The following PPP6R3 variants were observed in gnomAD, a reference collection of about 807,000 sequenced individuals.
PPP6R3 encodes protein phosphatase 6 regulatory subunit 3, also known as serine/threonine-protein phosphatase 6 regulatory subunit 3.
Under a neutral mutation model 110.7 loss-of-function variants are expected in PPP6R3, and 38 were observed. The observed-to-expected ratio is 0.34, with a 90% CI of 0.26 to 0.45. PPP6R3 has a LOEUF of 0.45. Among genes scored for constraint, PPP6R3 ranks in the 20% least tolerant of loss-of-function variants. The probability of loss-of-function intolerance (pLI) is 1.00; values close to 1 mark genes in which losing one functional copy is unlikely to be tolerated. For missense variants in PPP6R3, 870 were observed against 1,062.4 expected (o/e 0.82, Z 2.52); for synonymous variants, 369 against 373.5 (o/e 0.99, Z 0.14).
rs574109356 is a variant in PPP6R3 at position 68,580,933 on chromosome 11, G to A, written c.1546-2110G>A. 6.6e-5 allele frequency among the ~76,000 whole-genome samples: 10 copies of A among 151,936 alleles called. No homozygotes were observed. The South Asian group carries it at 1.7e-3, about 25-fold the overall frequency. ...ACTACAGGCACCCGCCACCGTGCCC[G>A]GCTAATTTTTTGTATTTTTAGTAGA... On this transcript the variant is annotated intron_variant, in intron 14 of 23. Coordinates refer to ENST00000393800, the MANE Select transcript of PPP6R3 (RefSeq NM_001164161.2).
At chr11:68,594,206 A>G (rs1230739479) in intron 18 of PPP6R3, among the ~76,000 whole-genome samples, 1 of 152,096 alleles carries the variant, frequency 6.6e-6, no homozygotes, top group Non-Finnish European at 1.5e-5. Context: ...AAATGTTTAC[A>G]CAACCTAATA....
chr11:68,569,289 G>A lies in PPP6R3; in HGVS notation c.1129-459G>A, dbSNP rs989809811. On this transcript the variant is annotated intron_variant, in intron 10 of 23. Transcript: ENST00000393800. ...TACTTCACATCCCCATTTAGTCCTC[G>A]TTATTTATGAGGGATACCTTCCAAG... Among the ~76,000 whole-genome samples the A allele has an allele frequency of 1.2e-3, 178 of 152,050 alleles. 6 individuals carry two copies. Among genetic ancestry groups the A allele is most frequent in the Admixed American group, 0.011 (175 of 15,268 alleles).
chr11:68,496,730 T>A (rs1258340876), intron 1 of PPP6R3, among the ~76,000 whole-genome samples: 1 of 152,104 alleles, frequency 6.6e-6, no homozygotes. Context: ...CTCGGCTTCC[T>A]AAAGTACTGG....
At chr11:68,590,871 C>T (rs569062850) in intron 17 of PPP6R3, among the ~76,000 whole-genome samples, 157 bp downstream of exon 17, 2 of 152,192 alleles carry the variant, frequency 1.3e-5, no homozygotes, top group South Asian at 2.1e-4. Context: ...CTACCTGGCA[C>T]CCGTGGGCAT....
At chr11:68,495,711 A>C (rs2099011123) in intron 1 of PPP6R3, among the ~76,000 whole-genome samples, 1 of 152,270 alleles carries the variant, frequency 6.6e-6, no homozygotes, top group East Asian at 1.9e-4. Context: ...GGGGAATATT[A>C]CCTTTTATTT....
intron 1 of PPP6R3, among the ~76,000 whole-genome samples, chr11:68,483,323 C>T (rs976819415): frequency 6.6e-6 from 1 of 152,100 alleles, no homozygotes. Flanking sequence ...TGCATTTTCA[C>T]CATTTTTAAA....
At chr11:68,562,849 A>G (rs2099430150) in intron 8 of PPP6R3, among the ~76,000 whole-genome samples, 1 of 152,240 alleles carries the variant, frequency 6.6e-6, no homozygotes, top group African/African-American at 2.4e-5. Flanking sequence ...CAGATTGTTT[A>G]GATACATTGC....
intron 1 of PPP6R3, among the ~76,000 whole-genome samples, chr11:68,493,638 A>AT (rs1565397169): frequency 1.4e-4 from 17 of 125,660 alleles, no homozygotes; most frequent in South Asian, 3.0e-4. Flanking sequence ...TATATATATA[A>AT]AATATATATA....
At chr11:68,565,433 G>A (rs2099458918) in intron 9 of PPP6R3, among the ~76,000 whole-genome samples, 1 of 152,006 alleles carries the variant, frequency 6.6e-6, no homozygotes, top group Non-Finnish European at 1.5e-5. Context: ...CTTGCCCTTA[G>A]GGAAAGTGCC....
chr11:68,563,119 AG>A (rs1390345807), intron 8 of PPP6R3, among the ~76,000 whole-genome samples: 2 of 149,090 alleles, frequency 1.3e-5, no homozygotes, highest in Non-Finnish European at 3.0e-5. Context: ...AAAAAAAAAA[AG>A]CCAGGCATGG....
intron 20 of PPP6R3, 56 bp from the exon 21 acceptor site, chr11:68,601,807 G>A (rs2099632650): frequency 7.2e-7 from 1 of 1,386,056 alleles, no homozygotes; most frequent in Admixed American, 1.8e-5. Context: ...GTGAATCTTG[G>A]GGTAACTGAG....
intron 1 of PPP6R3, among the ~76,000 whole-genome samples, chr11:68,501,607 G>A (rs1442721939): frequency 2.6e-5 from 4 of 152,214 alleles, no homozygotes; most frequent in Admixed American, 6.5e-5. Flanking sequence ...GATTACAGGC[G>A]TGAGCCACTG....
At chr11:68,465,457 A>G (rs533957029) in intron 1 of PPP6R3, among the ~76,000 whole-genome samples, 5 of 152,308 alleles carry the variant, frequency 3.3e-5, no homozygotes, top group African/African-American at 1.2e-4. Context: ...AGTTTATGGA[A>G]TGGAAGAATA....
At position 68,552,359 on chromosome 11, in the gene PPP6R3, T is replaced by TTC. The variant is rs1318484915; in HGVS notation, c.618+1175_618+1176dup. ...CTCCTCTCTCTCACAGAAATACATT[T>TTC]TCTGTGATAGTAGAGCGAAACCCTT... On this transcript the variant is annotated intron_variant, in intron 6 of 23. Transcript: ENST00000393800. Among the ~76,000 whole-genome samples the TTC allele has an allele frequency of 5.9e-5, 9 of 152,308 alleles. No homozygotes were observed. The East Asian group carries it at 1.7e-3, about 29-fold the overall frequency.
chr11:68,554,314 A>C, intron 7 of PPP6R3, 57 bp downstream of exon 7: 3 of 1,356,392 alleles, frequency 2.2e-6, no homozygotes, highest in Non-Finnish European at 2.1e-6. Context: ...TCCATGTGTT[A>C]CCATTGTGAG....
intron 18 of PPP6R3, among the ~76,000 whole-genome samples, chr11:68,594,320 A>AGAGAGAGAGAG (rs2099605742): frequency 9.1e-6 from 1 of 110,096 alleles, no homozygotes; most frequent in African/African-American, 3.6e-5. Context: ...GAGAGAGAGA[A>AGAGAGAGAGAG]AAAGAGAGAG....
intron 22 of PPP6R3, among the ~76,000 whole-genome samples, chr11:68,607,930 C>T (rs1941187296): frequency 6.6e-6 from 1 of 151,948 alleles, no homozygotes; most frequent in Non-Finnish European, 1.5e-5. Context: ...TGTGCCACCA[C>T]TCCTGGCTTA....
chr11:68,556,874 T>C (rs1420113519), intron 7 of PPP6R3, among the ~76,000 whole-genome samples: 1 of 152,238 alleles, frequency 6.6e-6, no homozygotes, highest in Non-Finnish European at 1.5e-5. Context: ...CTGTCAAGTT[T>C]TCGCTGGTTA....
At chr11:68,478,787 A>G (rs7101691) in intron 1 of PPP6R3, among the ~76,000 whole-genome samples, 35,031 of 150,534 alleles carry the variant, frequency 0.23, 4,289 homozygotes, top group Middle Eastern at 0.34. Context: ...CCTCCTGAGT[A>G]GCTGGGACTA....
Sources: allele counts gnomAD v4.1 joint callset (sites outside exome capture counted in the v4.1 genomes callset), GRCh38; gene constraint gnomAD v4.1.1; transcripts MANE v1.5; gene names NCBI Gene and HGNC (gene_info 2026-07-23, HGNC 2026-07-21).